The following MYO3B variants were observed in gnomAD, a reference collection of about 807,000 sequenced individuals.
MYO3B encodes myosin-IIIb.
In MYO3B, 156 loss-of-function variants were observed where a neutral mutation model predicts 174.6. The observed-to-expected ratio is 0.89, with a 90% confidence interval of 0.78 to 1.02. The LOEUF (loss-of-function observed/expected upper bound fraction) is 1.02. Among genes scored for constraint, MYO3B ranks in the 50% least tolerant of loss-of-function variants. MYO3B has a pLI of 0.00. For synonymous variants in MYO3B, 563 were observed against 569.1 expected (o/e 0.99, Z 0.15); for missense variants, 1,632 against 1,639.4 (o/e 1.00, Z 0.08).
rs183097106 is a variant in MYO3B, at chr2:170,425,808, T to G, written c.2650+17964T>G. On this transcript the variant is annotated intron_variant, in intron 22 of 34. Transcript: ENST00000408978. Reference sequence around the variant, plus strand: ...AGTGTAATTGGAGCATCTTGATAGGTTCTCTGAGCGTTACTACTTAGTGCT... The same window carrying G: ...AGTGTAATTGGAGCATCTTGATAGGGTCTCTGAGCGTTACTACTTAGTGCT... 6.4e-4 allele frequency among the ~76,000 whole-genome samples: 97 copies of G among 152,312 alleles called. 1 individual carries two copies. Among genetic ancestry groups the G allele is most frequent in the African/African-American group, 2.0e-3 (83 of 41,556 alleles).
At chr2:170,363,993 G>T (rs1216996965) in intron 8 of MYO3B, among the ~76,000 whole-genome samples, 1 of 152,156 alleles carries the variant, frequency 6.6e-6, no homozygotes. Context: ...TTGTTTTCTA[G>T]AATAAAGGAC....
At chr2:170,525,824 G>A (rs528883812) in intron 30 of MYO3B, among the ~76,000 whole-genome samples, 1 of 152,338 alleles carries the variant, frequency 6.6e-6, no homozygotes, top group East Asian at 1.9e-4. Flanking sequence ...CATGTGGGCT[G>A]TGAAGTACAG....
chr2:170,645,826 T>C (rs1321535294), intron 32 of MYO3B, among the ~76,000 whole-genome samples: 1 of 152,234 alleles, frequency 6.6e-6, no homozygotes, highest in Admixed American at 6.5e-5. Flanking sequence ...GTATTTTACT[T>C]CTTTTTCCAA....
intron 7 of MYO3B, among the ~76,000 whole-genome samples, chr2:170,260,750 T>C (rs2093339553): frequency 6.6e-6 from 1 of 152,194 alleles, no homozygotes; most frequent in South Asian, 2.1e-4. Flanking sequence ...AAAAGAGCTG[T>C]TTTGATGGAG....
intron 7 of MYO3B, among the ~76,000 whole-genome samples, chr2:170,253,807 G>A (rs62172039): frequency 0.018 from 2,766 of 149,796 alleles, 40 homozygotes; most frequent in Non-Finnish European, 0.022. Context: ...CCTGAGTCAA[G>A]CAAGGTGAAG....
intron 8 of MYO3B, among the ~76,000 whole-genome samples, chr2:170,362,552 T>C (rs1319823464): frequency 6.6e-6 from 1 of 152,032 alleles, no homozygotes; most frequent in Non-Finnish European, 1.5e-5. Context: ...TCAAAAGCTC[T>C]CCATCCTACC....
Position 170,532,000 on chromosome 2 carries a change from A to G in MYO3B, c.3576-10906A>G, listed in dbSNP as rs182856037. 5.5e-3 allele frequency among the ~76,000 whole-genome samples: 840 copies of G among 152,370 alleles called. 2 individuals are homozygous for G. Among genetic ancestry groups the G allele is most frequent in the Middle Eastern group, 0.01 (3 of 294 alleles). On this transcript the variant is annotated intron_variant, in intron 30 of 34. Transcript: ENST00000408978. ...TTGCATAGTCTCAGAGTAAGTCCCC[A>G]TAAGAAACTTATTAATTACAAAAGG...
chr2:170,200,104 T>C (rs747724938), intron 2 of MYO3B, 46 bp from the exon 3 acceptor site: 8 of 1,586,606 alleles, frequency 5.0e-6, no homozygotes, highest in Non-Finnish European at 6.9e-6. Flanking sequence ...GTACCCTTCC[T>C]TACACATTAG....
At chr2:170,279,602 T>C (rs1392689898) in intron 7 of MYO3B, among the ~76,000 whole-genome samples, 1 of 152,014 alleles carries the variant, frequency 6.6e-6, no homozygotes, top group Non-Finnish European at 1.5e-5. Flanking sequence ...CTTTTCTGCT[T>C]CTCTCCCTCC....
chr2:170,636,926 G>A (rs1004630106), intron 32 of MYO3B, among the ~76,000 whole-genome samples: 1 of 150,114 alleles, frequency 6.7e-6, no homozygotes, highest in Non-Finnish European at 1.5e-5. Flanking sequence ...TAGTTTGGTC[G>A]AACTTCATGG....
At chr2:170,482,522 AT>A (rs1685764549) in intron 25 of MYO3B, among the ~76,000 whole-genome samples, 2 of 152,178 alleles carry the variant, frequency 1.3e-5, no homozygotes, top group Non-Finnish European at 2.9e-5. Context: ...TTCTGCCATG[AT>A]TCTGAGGCCT....
rs529412298 is a variant in MYO3B at position 170,632,959 on chromosome 2, T to C, written c.3734-18669T>C. ...TGCTGAATAGACCAATAACAGGCTCTGAAATTGAGGCAATAACTAACAGCC... is the reference window on the plus strand; with the variant it reads ...TGCTGAATAGACCAATAACAGGCTCCGAAATTGAGGCAATAACTAACAGCC... On this transcript the variant is annotated intron_variant, in intron 32 of 34. Transcript: ENST00000408978. Among the ~76,000 whole-genome samples the C allele has an allele frequency of 7.9e-4, 120 of 152,324 alleles. 3 individuals carry two copies. Among genetic ancestry groups the C allele is most frequent in the Middle Eastern group, 3.4e-3 (1 of 294 alleles).
chr2:170,498,828 G>T, intron 26 of MYO3B, 125 bp downstream of exon 26: 1 of 627,644 alleles, frequency 1.6e-6, no homozygotes, highest in Non-Finnish European at 2.8e-6. Context: ...CGTAACAATG[G>T]TCTTTGCTGG....
At chr2:170,608,203 G>A (rs1344516181) in intron 32 of MYO3B, among the ~76,000 whole-genome samples, 4 of 152,180 alleles carry the variant, frequency 2.6e-5, no homozygotes, top group Non-Finnish European at 4.4e-5. Flanking sequence ...ATGAGACTCC[G>A]TCTCAAAAAA....
intron 7 of MYO3B, among the ~76,000 whole-genome samples, chr2:170,312,254 A>C (rs1428245196): frequency 6.6e-6 from 1 of 152,220 alleles, no homozygotes; most frequent in Non-Finnish European, 1.5e-5. Context: ...CTACTTTAAG[A>C]CTGGTCTGGG....
intron 32 of MYO3B, among the ~76,000 whole-genome samples, chr2:170,627,104 G>T (rs570578608): frequency 9.9e-5 from 15 of 152,196 alleles, no homozygotes; most frequent in African/African-American, 2.9e-4. Context: ...GGCCTGCCTT[G>T]CTAGGTTGGG....
chr2:170,540,135 A>C (rs10210303), intron 30 of MYO3B, among the ~76,000 whole-genome samples: 87,645 of 151,882 alleles, frequency 0.58, 27,048 homozygotes, highest in Non-Finnish European at 0.71. Flanking sequence ...CAGCCTGTGC[A>C]ATATAGTGAG....
At chr2:170,436,437 T>G (rs972525596) in intron 22 of MYO3B, among the ~76,000 whole-genome samples, 2 of 152,236 alleles carry the variant, frequency 1.3e-5, no homozygotes, top group African/African-American at 4.8e-5. Flanking sequence ...CCACTCATTA[T>G]AAAGCTCCTG....
intron 25 of MYO3B, among the ~76,000 whole-genome samples, chr2:170,478,522 TACACACACACACACACACAC>T (rs60349340): frequency 7.9e-6 from 1 of 126,100 alleles, no homozygotes; most frequent in South Asian, 2.7e-4. Context: ...GGTGTTATTG[TACACACACACACACACACAC>T]ACACACACAC....
Sources: gnomAD v4.1 joint callset for allele counts (sites outside exome capture counted in the v4.1 genomes callset) on GRCh38, gnomAD v4.1.1 for gene constraint, MANE v1.5 for transcripts, NCBI Gene and HGNC (gene_info 2026-07-23, HGNC 2026-07-21) for gene names.